Variants in EGFLAM observed in about 807,000 individuals in gnomAD.
The protein encoded by EGFLAM is EGF like, fibronectin type III and laminin G domains.
A neutral mutation model predicts 113.1 loss-of-function variants in EGFLAM; 79 were observed. The observed-to-expected ratio is 0.70, with a 90% CI of 0.58 to 0.84. The LOEUF is 0.84. Among genes scored for constraint, EGFLAM ranks in the 40% least tolerant of loss-of-function variants. EGFLAM has a pLI of 0.00. For missense variants in EGFLAM, 1,265 were observed against 1,291.6 expected, an observed-to-expected ratio of 0.98 and a Z score of 0.32; for synonymous variants, 504 against 487.6, an observed-to-expected ratio of 1.03 and a Z score of -0.44.
rs111814047 is a variant in EGFLAM at position 38,341,493 on chromosome 5, A to T, written c.291+2712A>T. On this transcript the variant is annotated intron_variant, in intron 3 of 21. Coordinates refer to ENST00000322350, the MANE Select transcript of EGFLAM (RefSeq NM_152403.4). ...CTGGTCCCACCCTTGACACATGGGG[A>T]TTATTACAATTCAAGGTGAGATTTG... Among the ~76,000 whole-genome samples the T allele has an allele frequency of 7.6e-3, 1,161 of 152,308 alleles. 15 individuals carry two copies. Among genetic ancestry groups the T allele is most frequent in the African/African-American group, 0.027 (1,108 of 41,558 alleles).
intron 15 of EGFLAM, among the ~76,000 whole-genome samples, chr5:38,433,850 G>A (rs1267327546): frequency 6.6e-5 from 10 of 152,186 alleles, no homozygotes; most frequent in Admixed American, 6.5e-4. Context: ...CCTAGTTAAG[G>A]AAGAACCCTC....
At chr5:38,444,202 A>C (rs1742636289) in intron 17 of EGFLAM, among the ~76,000 whole-genome samples, 1 of 152,220 alleles carries the variant, frequency 6.6e-6, no homozygotes, top group Admixed American at 6.5e-5. Context: ...ATATGGCACA[A>C]GCTTTTAGAT....
chr5:38,464,112 G>T lies in EGFLAM; in HGVS notation c.*126G>T. ...TGTGTTTCCTCTCACCAAGAAGAAA[G>T]TACACACTGATGAGAAACTGAGAAC... is the stretch of plus-strand genomic sequence containing the variant. On this transcript the variant is annotated 3_prime_UTR_variant, in exon 22 of 22. Transcript: ENST00000322350. The T allele has an allele frequency of 7.9e-7, 1 of 1,273,202 alleles. No homozygotes were observed. Among genetic ancestry groups the T allele is most frequent in the Non-Finnish European group, 1.1e-6 (1 of 935,850 alleles). 78.9% of individuals were successfully genotyped at this position (1,273,202 alleles called of 1,614,324 possible).
chr5:38,399,573 C>T (rs899142066), intron 6 of EGFLAM, among the ~76,000 whole-genome samples: 12 of 152,156 alleles, frequency 7.9e-5, no homozygotes, highest in African/African-American at 1.9e-4. Flanking sequence ...CCACTGCACC[C>T]GGCCCCCAAG....
chr5:38,404,612 A>T (rs763712800), intron 6 of EGFLAM, among the ~76,000 whole-genome samples: 1 of 152,194 alleles, frequency 6.6e-6, no homozygotes, highest in Non-Finnish European at 1.5e-5. Context: ...CTTTAAGTTT[A>T]GTTTATGTTT....
intron 6 of EGFLAM, among the ~76,000 whole-genome samples, chr5:38,380,776 G>C (rs955309288): frequency 6.7e-6 from 1 of 149,550 alleles, no homozygotes; most frequent in Non-Finnish European, 1.5e-5. Flanking sequence ...TACAGGGAAT[G>C]ATTCACTTTG....
intron 5 of EGFLAM, among the ~76,000 whole-genome samples, chr5:38,358,745 G>A (rs1296137867): frequency 1.3e-5 from 2 of 152,068 alleles, no homozygotes; most frequent in African/African-American, 4.8e-5. Context: ...GAATCTTCAT[G>A]ATCCCCCCCA....
chr5:38,301,771 T>C (rs1171520688), intron 1 of EGFLAM, among the ~76,000 whole-genome samples: 1 of 152,118 alleles, frequency 6.6e-6, no homozygotes, highest in Non-Finnish European at 1.5e-5. Context: ...ACGTTAAGGT[T>C]GAAACTTGTT....
At chr5:38,462,270 A>T (rs765303084) in intron 20 of EGFLAM, among the ~76,000 whole-genome samples, 5 of 152,212 alleles carry the variant, frequency 3.3e-5, no homozygotes, top group Admixed American at 6.5e-5. Context: ...CATTGTACTT[A>T]GAATCCCAGC....
chr5:38,335,106 C>G (rs2434501), intron 1 of EGFLAM, among the ~76,000 whole-genome samples: 8,350 of 152,122 alleles, frequency 0.055, 798 homozygotes, highest in African/African-American at 0.19. Flanking sequence ...CACAAGAGCT[C>G]TGTTTTAAGA....
intron 1 of EGFLAM, chr5:38,290,800 G>A (rs558491926): frequency 3.3e-5 from 5 of 152,946 alleles, no homozygotes; most frequent in Non-Finnish European, 5.8e-5. Flanking sequence ...TACAGGGGTC[G>A]GCCGGGCGCG....
chr5:38,276,089 A>C (rs1757876829), intron 1 of EGFLAM, among the ~76,000 whole-genome samples: 1 of 152,190 alleles, frequency 6.6e-6, no homozygotes, highest in African/African-American at 2.4e-5. Context: ...ATGGCTGGGG[A>C]AGCCTCATAA....
chr5:38,438,177 C>G, intron 16 of EGFLAM, 98 bp from the exon 17 acceptor site: 6 of 1,341,846 alleles, frequency 4.5e-6, no homozygotes, highest in Non-Finnish European at 5.9e-6. Flanking sequence ...TTTTCAATCT[C>G]CCTATGTGTA....
intron 6 of EGFLAM, chr5:38,403,827 T>C: frequency 1.2e-6 from 2 of 1,613,636 alleles, no homozygotes; most frequent in South Asian, 2.2e-5. Flanking sequence ...CAAGGGCCTT[T>C]TGTGTGAAGA....
intron 6 of EGFLAM, among the ~76,000 whole-genome samples, chr5:38,378,463 C>T (rs1219699906): frequency 6.6e-6 from 1 of 152,186 alleles, no homozygotes; most frequent in Non-Finnish European, 1.5e-5. Flanking sequence ...GGCGGCAATG[C>T]CCCTGAATAG....
chr5:38,399,943 A>C (rs1368050976), intron 6 of EGFLAM: 2 of 152,228 alleles, frequency 1.3e-5, no homozygotes, highest in East Asian at 3.8e-4. Flanking sequence ...CATCCACATA[A>C]GTAAAATTCT....
rs576716039 is a variant in EGFLAM at position 38,297,186 on chromosome 5, C to T, written c.97+38335C>T. Among the ~76,000 whole-genome samples, 3 of 152,150 alleles carry T rather than the reference C, an allele frequency of 2.0e-5. No individual in the cohort carries two copies. The East Asian group carries it at 5.8e-4, about 29-fold the overall frequency. On this transcript the variant is annotated intron_variant, in intron 1 of 21. Coordinates refer to ENST00000322350, the MANE Select transcript of EGFLAM (RefSeq NM_152403.4). ...GAATGTTAATTTTTTTGGATTTTTA[C>T]CATTGTATTATGGTTATGTAAGATT... is the stretch of plus-strand genomic sequence containing the variant.
chr5:38,382,612 A>C (rs1204997959), intron 6 of EGFLAM, among the ~76,000 whole-genome samples: 1 of 152,234 alleles, frequency 6.6e-6, no homozygotes, highest in Admixed American at 6.5e-5. Context: ...CTTATCTGCT[A>C]TTTCACAAAT....
rs772322817 is a variant in EGFLAM, at chr5:38,427,134, G to C, written c.1936G>C (p.Gly646Arg). The stretch of plus-strand genomic sequence containing the variant: ...TGAGATCACATTTCGGCCAGACTCA[G>C]GAGATGGTGTCCTCCTGTACAGCTA... ...EFEITFRPDSGDGVLLYSYDT... is the reference protein window; with the variant it reads ...EFEITFRPDSRDGVLLYSYDT... Residue 646 changes from glycine (G) to arginine (R), a missense_variant, in exon 14 of 22, where the codon GGA becomes CGA. Gly to Arg is a moderately radical substitution (Grantham distance 125). Coordinates refer to ENST00000322350, the MANE Select transcript of EGFLAM (RefSeq NM_152403.4). The C allele has an allele frequency of 3.1e-6, 5 of 1,614,008 alleles. No individual in the cohort carries two copies. The highest frequency in any genetic ancestry group is 4.2e-6 in the Non-Finnish European group (5 of 1,180,032).
Sources: allele counts gnomAD v4.1 joint callset (sites outside exome capture counted in the v4.1 genomes callset), GRCh38; gene constraint gnomAD v4.1.1; transcripts MANE v1.5; gene names NCBI Gene and HGNC (gene_info 2026-07-23, HGNC 2026-07-21).